Variants in NR3C2 observed in about 807,000 individuals in gnomAD.
The protein encoded by NR3C2 is nuclear receptor subfamily 3 group C member 2.
In NR3C2, 15 loss-of-function variants were observed where a neutral mutation model predicts 86.4. The ratio of observed to expected loss-of-function variants is 0.17; its 90% CI spans 0.12 to 0.27. The LOEUF is 0.27. NR3C2 is among the 10% of genes least tolerant of loss of function. The probability of loss-of-function intolerance (pLI) is 1.00; values close to 1 mark genes in which losing one functional copy is unlikely to be tolerated. For synonymous variants in NR3C2, 458 were observed against 450.5 expected, an observed-to-expected ratio of 1.02 and a Z score of -0.21; for missense variants, 960 against 1,195.6, an observed-to-expected ratio of 0.80 and a Z score of 2.91.
intron 3 of NR3C2, among the ~76,000 whole-genome samples, chr4:148,225,954 C>A (rs1383169974): frequency 1.3e-5 from 2 of 152,100 alleles, no homozygotes; most frequent in Non-Finnish European, 2.9e-5. Flanking sequence ...TAAGAGTAGA[C>A]ATTTTCAGAT....
At chr4:148,297,630 C>T (rs1222434027) in intron 2 of NR3C2, among the ~76,000 whole-genome samples, 1 of 152,010 alleles carries the variant, frequency 6.6e-6, no homozygotes, top group Non-Finnish European at 1.5e-5. Flanking sequence ...GTAGTGGTTC[C>T]TTTTACATTA....
At chr4:148,372,558 A>C (rs1193812828) in intron 2 of NR3C2, among the ~76,000 whole-genome samples, 1 of 152,202 alleles carries the variant, frequency 6.6e-6, no homozygotes, top group Non-Finnish European at 1.5e-5. Context: ...GCAGCCAGAA[A>C]TACAATGTGC....
chr4:148,206,326 T>G (rs778565894), intron 3 of NR3C2, among the ~76,000 whole-genome samples: 1 of 152,232 alleles, frequency 6.6e-6, no homozygotes, highest in Non-Finnish European at 1.5e-5. Context: ...TGGCCCTCTA[T>G]GCAAACACTC....
rs61764570 is a variant in NR3C2 at position 148,131,430 on chromosome 4, GTTT to G, written c.2511-11145_2511-11143del. 6.7e-3 allele frequency among the ~76,000 whole-genome samples: 1,018 copies of G among 152,154 alleles called. 65 individuals are homozygous for G. The East Asian group carries it at 0.15, about 23-fold the overall frequency. On this transcript the variant is annotated intron_variant, in intron 6 of 8. Transcript: ENST00000358102. ...CTAAAAACAGCATGCAGAAAAACAG[GTTT>G]TTTCTTTCAAACCTCAATTAGAATA...
intron 8 of NR3C2, among the ~76,000 whole-genome samples, chr4:148,107,577 CA>C (rs1480128751): frequency 6.6e-6 from 1 of 152,160 alleles, no homozygotes; most frequent in Non-Finnish European, 1.5e-5. Flanking sequence ...TTTACGACAG[CA>C]AAGACTTGGA....
chr4:148,435,016 T>A (rs1749966955), intron 2 of NR3C2, 88 bp downstream of exon 2: 2 of 1,241,614 alleles, frequency 1.6e-6, no homozygotes, highest in East Asian at 2.3e-5. Flanking sequence ...ATCTGAAATG[T>A]GTTTAAATTT....
At position 148,344,935 on chromosome 4, in the gene NR3C2, A is replaced by G. The variant is rs535487783; in HGVS notation, c.1758-84818T>C. Among the ~76,000 whole-genome samples the G allele has an allele frequency of 1.1e-4, 16 of 152,296 alleles. No homozygotes were observed. The South Asian group carries it at 2.9e-3, about 28-fold the overall frequency. ...ACTTTCCACTGACTAGCAGGGGATT[A>G]AAGACAAATTCAAGTTGGTTTTCAG... On this transcript the variant is annotated intron_variant, in intron 2 of 8. Coordinates refer to ENST00000358102, the MANE Select transcript of NR3C2 (RefSeq NM_000901.5).
intron 3 of NR3C2, among the ~76,000 whole-genome samples, chr4:148,210,202 T>C (rs1228034284): frequency 6.6e-6 from 1 of 152,138 alleles, no homozygotes; most frequent in Non-Finnish European, 1.5e-5. Flanking sequence ...TGTTTTTGTT[T>C]TTTTAAGAGA....
chr4:148,358,865 G>A (rs759596062), intron 2 of NR3C2, among the ~76,000 whole-genome samples: 1 of 152,028 alleles, frequency 6.6e-6, no homozygotes, highest in Admixed American at 6.6e-5. Context: ...AACATACCAA[G>A]AAGAGTATTT....
In NR3C2 at chr4:148,414,825, T is replaced by G. The variant is rs529286977; in HGVS notation, c.1757+20279A>C. Among the ~76,000 whole-genome samples, 3 of 152,350 alleles carry G rather than the reference T, an allele frequency of 2.0e-5. No homozygotes were observed. In the South Asian group the frequency reaches 6.2e-4, roughly 32 times the overall value. On this transcript the variant is annotated intron_variant, in intron 2 of 8. Transcript: ENST00000358102. The stretch of plus-strand genomic sequence containing the variant: ...AAAAATACTACTTAGCAATAACAGC[T>G]GAATAAATCATAAATGTAAATCTAG...
chr4:148,416,680 T>C (rs528001628), intron 2 of NR3C2, among the ~76,000 whole-genome samples: 53 of 152,392 alleles, frequency 3.5e-4, no homozygotes, highest in African/African-American at 1.1e-3. Context: ...AAATCCAATT[T>C]AAAATGATAC....
chr4:148,187,177 C>T (rs753440013), intron 4 of NR3C2, among the ~76,000 whole-genome samples: 37 of 151,418 alleles, frequency 2.4e-4, no homozygotes, highest in Non-Finnish European at 4.4e-4. Context: ...TATAAACATG[C>T]GTGTACAAGT....
intron 2 of NR3C2, among the ~76,000 whole-genome samples, chr4:148,387,701 G>A (rs1296533061): frequency 6.6e-6 from 1 of 152,154 alleles, no homozygotes; most frequent in African/African-American, 2.4e-5. Context: ...TGTTAAAAAT[G>A]GTTGTATCCT....
At chr4:148,368,994 A>G (rs565739341) in intron 2 of NR3C2, among the ~76,000 whole-genome samples, 1 of 152,198 alleles carries the variant, frequency 6.6e-6, no homozygotes, top group Non-Finnish European at 1.5e-5. Flanking sequence ...CCCCTCTTCT[A>G]CCCACTTGCT....
At chr4:148,408,655 C>T (rs1278272860) in intron 2 of NR3C2, among the ~76,000 whole-genome samples, 1 of 152,078 alleles carries the variant, frequency 6.6e-6, no homozygotes, top group African/African-American at 2.4e-5. Context: ...TACCAATAGG[C>T]AACCATTTTA....
intron 8 of NR3C2, among the ~76,000 whole-genome samples, chr4:148,109,566 A>G (rs1316701512): frequency 1.3e-5 from 2 of 152,178 alleles, no homozygotes; most frequent in Non-Finnish European, 2.9e-5. Flanking sequence ...TCTACCTTGC[A>G]TTATGCTCCA....
upstream of NR3C2, chr4:148,444,764 A>G (rs2126679902): frequency 1.0e-6 from 1 of 984,026 alleles, no homozygotes; most frequent in Non-Finnish European, 1.2e-6. Flanking sequence ...GGACGCGGGC[A>G]CCCGCCCGCC....
At chr4:148,106,766 T>A (rs1731817922) in intron 8 of NR3C2, among the ~76,000 whole-genome samples, 1 of 152,130 alleles carries the variant, frequency 6.6e-6, no homozygotes, top group Non-Finnish European at 1.5e-5. Flanking sequence ...GGGAAAGGAT[T>A]CCCTATTTAG....
In NR3C2 at chr4:148,192,141, G is replaced by A. The variant is rs185411103; in HGVS notation, c.2014+2605C>T. Among the ~76,000 whole-genome samples, 208 of 152,344 alleles carry A rather than the reference G, an allele frequency of 1.4e-3. 2 individuals are homozygous for A. The highest frequency in any genetic ancestry group is 4.7e-3 in the African/African-American group (197 of 41,580). On this transcript the variant is annotated intron_variant, in intron 4 of 8. Transcript: ENST00000358102. The stretch of plus-strand genomic sequence containing the variant: ...TCTGTCAGAGGGACGGTCTAGGGCT[G>A]AAAGCTGCTGTTCAGATTCTTTTGT...
Sources: allele counts gnomAD v4.1 joint callset (sites outside exome capture counted in the v4.1 genomes callset), GRCh38; gene constraint gnomAD v4.1.1; transcripts MANE v1.5; gene names NCBI Gene and HGNC (gene_info 2026-07-23, HGNC 2026-07-21).